Variants in CALN1 observed in about 807,000 individuals in gnomAD.
The protein encoded by CALN1 is calneuron 1.
In CALN1, 17 loss-of-function variants were observed where a neutral mutation model predicts 30.6. That is an observed-to-expected ratio of 0.56 (90% confidence interval 0.38 to 0.83). The LOEUF (loss-of-function observed/expected upper bound fraction) is 0.83, where lower values mean the gene tolerates loss of function less well. Among genes scored for constraint, CALN1 ranks in the 40% least tolerant of loss-of-function variants. The probability of loss-of-function intolerance (pLI) is 0.00; values close to 1 mark genes in which losing one functional copy is unlikely to be tolerated. For missense variants in CALN1, 291 were observed against 354.9 expected, an observed-to-expected ratio of 0.82 and a Z score of 1.45; for synonymous variants, 156 against 131.4, an observed-to-expected ratio of 1.19 and a Z score of -1.28.
At chr7:72,268,558 C>A (rs1407194330) in intron 3 of CALN1, among the ~76,000 whole-genome samples, 1 of 152,146 alleles carries the variant, frequency 6.6e-6, no homozygotes, top group Non-Finnish European at 1.5e-5. Context: ...ATAATCCCAA[C>A]ACTTTGGGAG....
intron 5 of CALN1, among the ~76,000 whole-genome samples, chr7:72,008,417 T>C (rs1799891241): frequency 6.6e-6 from 1 of 151,166 alleles, no homozygotes; most frequent in Admixed American, 6.6e-5. Flanking sequence ...AATTATTTCA[T>C]TAATAAAAAA....
chr7:72,483,564 C>T, the CALN1 span, among the ~76,000 whole-genome samples: 4 of 152,112 alleles, frequency 2.6e-5, no homozygotes, highest in Non-Finnish European at 4.4e-5. Context: ...GGATTACAGG[C>T]GTGAGCCACC....
chr7:72,178,549 C>T (rs1325837656), intron 3 of CALN1, among the ~76,000 whole-genome samples: 1 of 151,958 alleles, frequency 6.6e-6, no homozygotes, highest in Non-Finnish European at 1.5e-5. Context: ...ATTAGCCAGG[C>T]GTGGTGGCAC....
chr7:72,321,937 G>A (rs1432699229), intron 2 of CALN1, among the ~76,000 whole-genome samples: 1 of 152,216 alleles, frequency 6.6e-6, no homozygotes, highest in African/African-American at 2.4e-5. Flanking sequence ...GTTTAGACCA[G>A]CTGTCCCCAA....
intron 3 of CALN1, among the ~76,000 whole-genome samples, chr7:72,139,330 C>T (rs1809724086): frequency 6.6e-6 from 1 of 151,826 alleles, no homozygotes; most frequent in Non-Finnish European, 1.5e-5. Flanking sequence ...TCAGCCACGC[C>T]CAACCTCTTC....
At chr7:71,891,199 G>T (rs564249799) in intron 5 of CALN1, among the ~76,000 whole-genome samples, 4 of 151,884 alleles carry the variant, frequency 2.6e-5, no homozygotes, top group Non-Finnish European at 4.4e-5. Context: ...AGTTTGTTTC[G>T]ATTTTTATTG....
At chr7:72,413,412 T>C (rs1585701565), upstream of CALN1, among the ~76,000 whole-genome samples, 1 of 151,496 alleles carries the variant, frequency 6.6e-6, no homozygotes, top group Non-Finnish European at 1.5e-5. Flanking sequence ...ACATGCACAT[T>C]CTTACACACA....
rs549554698 is a variant in CALN1, at chr7:72,232,320, T to C, written c.244+46366A>G. Among the ~76,000 whole-genome samples, 4 of 152,248 alleles carry C rather than the reference T, an allele frequency of 2.6e-5. No homozygotes were observed. The South Asian group carries it at 8.3e-4, about 32-fold the overall frequency. ...CAGGTCCGGGAAGAAGACAACTAATTGAACAACTGCATTGTACGTGATAAT... is the reference window on the plus strand; with the variant it reads ...CAGGTCCGGGAAGAAGACAACTAATCGAACAACTGCATTGTACGTGATAAT... On this transcript the variant is annotated intron_variant, in intron 3 of 6. Coordinates refer to ENST00000395275, the MANE Select transcript of CALN1 (RefSeq NM_031468.4).
chr7:72,268,793 C>CCACACACACACACA lies in CALN1; in HGVS notation c.244+9879_244+9892dup, dbSNP rs3032247. 5.6e-3 allele frequency among the ~76,000 whole-genome samples: 822 copies of CCACACACACACACA among 145,896 alleles called. 11 individuals carry two copies. The highest frequency in any genetic ancestry group is 0.019 in the African/African-American group (761 of 39,102). On this transcript the variant is annotated intron_variant, in intron 3 of 6. Transcript: ENST00000395275. ...GCCTGGGCAACAGAGCAAGACCCTGCCACACACACACACACACACACACAC... is the reference window on the plus strand; with the variant it reads ...GCCTGGGCAACAGAGCAAGACCCTGCCACACACACACACACACACACACACACACACACACACAC...
chr7:71,821,812 G>C (rs1788610907), intron 5 of CALN1, among the ~76,000 whole-genome samples: 1 of 145,566 alleles, frequency 6.9e-6, no homozygotes, highest in Admixed American at 7.0e-5. Context: ...TTTTGAGTCA[G>C]GGTCTCGCTG....
At chr7:71,865,903 CAAAT>C (rs1457401256) in intron 5 of CALN1, among the ~76,000 whole-genome samples, 3 of 151,776 alleles carry the variant, frequency 2.0e-5, no homozygotes, top group Non-Finnish European at 4.4e-5. Context: ...TGAAACAAGT[CAAAT>C]AAAAATTACC....
chr7:72,340,777 T>A (rs117893617), intron 2 of CALN1, among the ~76,000 whole-genome samples: 1 of 152,194 alleles, frequency 6.6e-6, no homozygotes, highest in African/African-American at 2.4e-5. Context: ...TGGGAGATAA[T>A]TGAACCATGG....
chr7:72,059,021 C>T (rs1241156932), intron 4 of CALN1, among the ~76,000 whole-genome samples: 2 of 152,164 alleles, frequency 1.3e-5, no homozygotes, highest in Non-Finnish European at 2.9e-5. Context: ...GGATTGTGAA[C>T]ATCCAATTTC....
chr7:72,016,333 T>C (rs1048440903), intron 5 of CALN1, among the ~76,000 whole-genome samples: 2 of 151,902 alleles, frequency 1.3e-5, no homozygotes, highest in Admixed American at 6.6e-5. Flanking sequence ...TGCAGTCACA[T>C]TGTATTATAG....
At chr7:71,892,573 C>T (rs943179895) in intron 5 of CALN1, among the ~76,000 whole-genome samples, 6 of 152,214 alleles carry the variant, frequency 3.9e-5, no homozygotes, top group Admixed American at 2.0e-4. Flanking sequence ...TTCAGTGAGC[C>T]GAGATCATGC....
chr7:72,298,171 C>T (rs553506023), intron 2 of CALN1, among the ~76,000 whole-genome samples: 1 of 152,320 alleles, frequency 6.6e-6, no homozygotes, highest in East Asian at 1.9e-4. Flanking sequence ...TGGCCAACAA[C>T]ATCCCACCAT....
the CALN1 span, among the ~76,000 whole-genome samples, chr7:72,461,890 C>T: frequency 1.3e-5 from 2 of 152,138 alleles, no homozygotes; most frequent in African/African-American, 4.8e-5. Flanking sequence ...CGCCTGTAAT[C>T]CCAGCTACTA....
chr7:72,245,069 G>A (rs1172799677), intron 3 of CALN1, among the ~76,000 whole-genome samples: 1 of 152,122 alleles, frequency 6.6e-6, no homozygotes, highest in South Asian at 2.1e-4. Flanking sequence ...CCAAAACATC[G>A]TAGGTGATGA....
intron 2 of CALN1, among the ~76,000 whole-genome samples, chr7:72,332,719 G>A (rs62459273): frequency 0.38 from 57,460 of 151,728 alleles, 11,659 homozygotes; most frequent in Admixed American, 0.45. Context: ...TTCTTAATGC[G>A]ATCTTTATTG....
Sources: gnomAD v4.1 joint callset for allele counts (sites outside exome capture counted in the v4.1 genomes callset) on GRCh38, gnomAD v4.1.1 for gene constraint, MANE v1.5 for transcripts, NCBI Gene and HGNC (gene_info 2026-07-23, HGNC 2026-07-21) for gene names.